RERE: variants seen among roughly 807,000 people sequenced by gnomAD.
RERE encodes the protein arginine-glutamic acid dipeptide repeats.
A neutral mutation model predicts 146.1 loss-of-function variants in RERE; 40 were observed. The ratio of observed to expected loss-of-function variants is 0.27; its 90% CI spans 0.21 to 0.36. The LOEUF (loss-of-function observed/expected upper bound fraction) is 0.36, where lower values mean the gene tolerates loss of function less well. Ranked by LOEUF, RERE falls within the 10% of genes least tolerant of loss-of-function variation. The pLI is 1.00. For missense variants in RERE, 1,933 were observed against 2,138.7 expected, an observed-to-expected ratio of 0.90 and a Z score of 1.90; for synonymous variants, 1,003 against 866.0, an observed-to-expected ratio of 1.16 and a Z score of -2.78.
chr1:8,732,816 T>C (rs1352035360), intron 1 of RERE, among the ~76,000 whole-genome samples: 1 of 118,866 alleles, frequency 8.4e-6, no homozygotes, highest in Non-Finnish European at 1.7e-5. Flanking sequence ...TTCTTTTTTT[T>C]TTTTTTTTTT....
intron 1 of RERE, among the ~76,000 whole-genome samples, chr1:8,695,685 G>T (rs1450871120): frequency 6.6e-6 from 1 of 151,360 alleles, no homozygotes; most frequent in East Asian, 1.9e-4. Flanking sequence ...ACTTGAACCT[G>T]GGAGGTGGAG....
rs115999439 is a variant in RERE at position 8,509,749 on chromosome 1, G to A, written c.831-1074C>T. Reference sequence around the variant, plus strand: ...GTCAAGGCTGCAGTGAGCCATGTTCGCACCACTGCACTCCAACCTGGGCAA... The same window carrying A: ...GTCAAGGCTGCAGTGAGCCATGTTCACACCACTGCACTCCAACCTGGGCAA... On this transcript the variant is annotated intron_variant, in intron 7 of 22. Transcript: ENST00000400908. Among the ~76,000 whole-genome samples, 1,331 of 152,176 alleles carry A rather than the reference G, an allele frequency of 8.7e-3. 21 individuals are homozygous for A. The highest frequency in any genetic ancestry group is 0.03 in the African/African-American group (1,227 of 41,514).
chr1:8,692,563 G>A (rs1214095359), intron 1 of RERE, among the ~76,000 whole-genome samples: 1 of 151,896 alleles, frequency 6.6e-6, no homozygotes, highest in East Asian at 1.9e-4. Flanking sequence ...TGGCCAGGCT[G>A]GTCTCTAACT....
At chr1:8,651,849 T>C (rs112565374) in intron 2 of RERE, among the ~76,000 whole-genome samples, 4 of 152,232 alleles carry the variant, frequency 2.6e-5, no homozygotes, top group Non-Finnish European at 4.4e-5. Flanking sequence ...AGAGACAGTC[T>C]TGCTCTGTCA....
At chr1:8,743,541 G>A (rs764471547) in intron 1 of RERE, among the ~76,000 whole-genome samples, 6 of 151,400 alleles carry the variant, frequency 4.0e-5, no homozygotes, top group South Asian at 2.1e-4. Context: ...GATTACAGGC[G>A]TGAACCACCG....
At chr1:8,465,517 T>A (rs1208597844) in intron 11 of RERE, 1 of 346,572 alleles carries the variant, frequency 2.9e-6, no homozygotes, top group Admixed American at 3.9e-5. Flanking sequence ...CAAAACCCCC[T>A]TCTCTAAAAT....
chr1:8,428,728 A>G (rs1157701987), intron 11 of RERE: 1 of 152,222 alleles, frequency 6.6e-6, no homozygotes, highest in Non-Finnish European at 1.5e-5. Context: ...CTATGTTCCA[A>G]AAAGGAAATT....
chr1:8,810,856 G>C (rs549875383), intron 1 of RERE, among the ~76,000 whole-genome samples: 1 of 152,066 alleles, frequency 6.6e-6, no homozygotes, highest in South Asian at 2.1e-4. Flanking sequence ...AGCATATTAG[G>C]AAGCCATAAA....
chr1:8,396,846 T>C (rs1387975394), intron 12 of RERE, among the ~76,000 whole-genome samples: 3 of 152,186 alleles, frequency 2.0e-5, no homozygotes, highest in Non-Finnish European at 4.4e-5. Flanking sequence ...ATGGCATTCT[T>C]TGTGATATAT....
intron 1 of RERE, among the ~76,000 whole-genome samples, chr1:8,762,560 C>CA (rs1640775592): frequency 1.3e-5 from 2 of 151,904 alleles, no homozygotes; most frequent in African/African-American, 2.4e-5. Context: ...TATTTGAAGA[C>CA]AAAAAAAGTA....
In RERE at chr1:8,694,976, G is replaced by GGGGGA. The variant is rs1553135236; in HGVS notation, c.-144-38536_-144-38535insTCCCC. Among the ~76,000 whole-genome samples the GGGGGA allele has an allele frequency of 8.0e-5, 11 of 136,852 alleles. 2 individuals are homozygous for GGGGGA. The highest frequency in any genetic ancestry group is 2.2e-4 in the Admixed American group (3 of 13,766). The allele number at this position is 136,852 out of a possible 152,430, so 89.8% of individuals were successfully genotyped here. A position where few individuals can be genotyped will look rare whatever the true frequency, so the allele number is the denominator to read the frequency against. On this transcript the variant is annotated intron_variant, in intron 1 of 22. Transcript: ENST00000400908. ...CCAAAGAGCCAAAGAAATCCTAAGG[G>GGGGGA]GGGGGGGGGAATGCTGGCAGCATCA...
intron 1 of RERE, among the ~76,000 whole-genome samples, chr1:8,757,090 C>CA (rs34237128): frequency 0.038 from 2,208 of 58,876 alleles, 83 homozygotes; most frequent in East Asian, 0.17. Flanking sequence ...AACTCCATCT[C>CA]AAAAAAAAAA....
chr1:8,570,865 C>T (rs1467370788), intron 4 of RERE, among the ~76,000 whole-genome samples: 1 of 152,170 alleles, frequency 6.6e-6, no homozygotes, highest in Non-Finnish European at 1.5e-5. Context: ...ATGTCAGATA[C>T]TATTAAAAAA....
At chr1:8,758,149 G>C (rs1018661328) in intron 1 of RERE, among the ~76,000 whole-genome samples, 2 of 151,416 alleles carry the variant, frequency 1.3e-5, no homozygotes, top group Non-Finnish European at 2.9e-5. Context: ...GCAGTGGCAT[G>C]ATCCCAGCTC....
chr1:8,591,405 G>A (rs1183059839), intron 4 of RERE, among the ~76,000 whole-genome samples: 4 of 150,802 alleles, frequency 2.7e-5, no homozygotes, highest in Admixed American at 6.6e-5. Flanking sequence ...AATTGCAAAT[G>A]GCCATCAGCA....
At chr1:8,599,533 G>A (rs1646596494) in intron 4 of RERE, among the ~76,000 whole-genome samples, 1 of 152,128 alleles carries the variant, frequency 6.6e-6, no homozygotes, top group African/African-American at 2.4e-5. Context: ...AAGCTACTTA[G>A]GCAAAAATAA....
intron 7 of RERE, among the ~76,000 whole-genome samples, chr1:8,538,181 C>G (rs1645751371): frequency 6.6e-6 from 1 of 152,160 alleles, no homozygotes; most frequent in South Asian, 2.1e-4. Context: ...GACCATTACA[C>G]AATCAGAAGA....
intron 1 of RERE, among the ~76,000 whole-genome samples, chr1:8,714,694 G>T (rs1020825383): frequency 6.6e-6 from 1 of 152,144 alleles, no homozygotes; most frequent in Non-Finnish European, 1.5e-5. Flanking sequence ...TGGGTTCCAG[G>T]AGGATAGCAC....
At chr1:8,510,607 G>A (rs1367819356) in intron 7 of RERE, among the ~76,000 whole-genome samples, 1 of 152,206 alleles carries the variant, frequency 6.6e-6, no homozygotes, top group Admixed American at 6.5e-5. Context: ...AGAAAAACAA[G>A]CAAGCAGTCA....
Sources: gnomAD v4.1 joint callset for allele counts (sites outside exome capture counted in the v4.1 genomes callset) on GRCh38, gnomAD v4.1.1 for gene constraint, MANE v1.5 for transcripts, NCBI Gene and HGNC (gene_info 2026-07-23, HGNC 2026-07-21) for gene names.